DET1: variants seen among roughly 807,000 people sequenced by gnomAD.
DET1 encodes the protein DET1 partner of COP1 E3 ubiquitin ligase.
A neutral mutation model predicts 43.7 loss-of-function variants in DET1; 22 were observed. The ratio of observed to expected loss-of-function variants is 0.50; its 90% CI spans 0.36 to 0.72. The LOEUF is 0.72. Among genes scored for constraint, DET1 ranks in the 30% least tolerant of loss-of-function variants. The pLI, the probability that DET1 is intolerant of heterozygous loss-of-function variation, is 0.00. For missense variants in DET1, 713 were observed against 713.3 expected (o/e 1.00, Z 0.00); for synonymous variants, 315 against 266.2 (o/e 1.18, Z -1.79).
chr15:88,534,039 T>G (rs145346292), intron 1 of DET1, among the ~76,000 whole-genome samples: 3 of 152,198 alleles, frequency 2.0e-5, no homozygotes, highest in Middle Eastern at 3.4e-3. Flanking sequence ...CGAGATCAAT[T>G]TCACAATGTG....
intron 1 of DET1, among the ~76,000 whole-genome samples, chr15:88,533,594 C>G (rs151199280): frequency 6.6e-5 from 10 of 152,088 alleles, no homozygotes; most frequent in African/African-American, 2.4e-4. Flanking sequence ...AGGAATATTA[C>G]TCGGCCTTCA....
chr15:88,524,639 G>A (rs1186267149), intron 3 of DET1, among the ~76,000 whole-genome samples: 1 of 152,206 alleles, frequency 6.6e-6, no homozygotes, highest in Non-Finnish European at 1.5e-5. Flanking sequence ...CTGTTGATCT[G>A]TGACCTTACC....
chr15:88,531,535 C>T lies in DET1; in HGVS notation c.171G>A (p.Lys57=), dbSNP rs186236069. The stretch of plus-strand genomic sequence containing the variant: ...AGAATTTACGCAAGAAACAAGGAGG[C>T]TTTTCAACGTTGACAACTGTGAAGT... ...FPNFTVVNVE[K]PPCFLRKFSP... is the part of the protein sequence containing the mutation. Residue 57 remains lysine (K), a synonymous_variant, in exon 2 of 5, where the codon AAG becomes AAA. Transcript: ENST00000268148. The surrounding 1 kb of genome is among the most constrained non-coding windows in gnomAD (Gnocchi z 6.2). The T allele has an allele frequency of 3.7e-6, 6 of 1,614,016 alleles. No individual in the cohort carries two copies. The highest frequency in any genetic ancestry group is 5.1e-6 in the Non-Finnish European group (6 of 1,179,894).
At chr15:88,524,337 AG>A (rs911106457) in intron 3 of DET1, among the ~76,000 whole-genome samples, 2 of 147,860 alleles carry the variant, frequency 1.4e-5, no homozygotes, top group Non-Finnish European at 3.0e-5. Flanking sequence ...CCAGTCCAAG[AG>A]GTGGGGGGCA....
downstream of DET1, among the ~76,000 whole-genome samples, chr15:88,509,580 G>A (rs1598309522): frequency 6.6e-6 from 1 of 152,198 alleles, no homozygotes; most frequent in Non-Finnish European, 1.5e-5. Flanking sequence ...GAAGTTAAGG[G>A]AGTGATTATC....
chr15:88,534,063 C>G (rs2056886600), intron 1 of DET1, among the ~76,000 whole-genome samples: 2 of 151,998 alleles, frequency 1.3e-5, no homozygotes, highest in African/African-American at 4.8e-5. Flanking sequence ...ATACTTAATA[C>G]TACTGAACTG....
intron 2 of DET1, among the ~76,000 whole-genome samples, chr15:88,528,727 C>G (rs1023913997): frequency 1.3e-5 from 2 of 152,222 alleles, no homozygotes; most frequent in Admixed American, 1.3e-4. Flanking sequence ...TCTCAGACCA[C>G]TAGGATTAGT....
intron 1 of DET1, among the ~76,000 whole-genome samples, chr15:88,539,977 A>G (rs930748834): frequency 5.3e-5 from 8 of 151,704 alleles, no homozygotes; most frequent in African/African-American, 1.5e-4. Flanking sequence ...GTCATGCTTT[A>G]CTTCGTTTAG....
At chr15:88,539,624 T>C (rs1429859469) in intron 1 of DET1, among the ~76,000 whole-genome samples, 1 of 152,170 alleles carries the variant, frequency 6.6e-6, no homozygotes, top group Admixed American at 6.5e-5. Context: ...GGTAAAAACT[T>C]CTTCAAGGTC....
intron 1 of DET1, among the ~76,000 whole-genome samples, chr15:88,535,453 T>A (rs1407445339): frequency 2.1e-5 from 3 of 140,052 alleles, no homozygotes; most frequent in East Asian, 2.2e-4. Flanking sequence ...AAAAAAAAAA[T>A]TAAGAAATAA....
downstream of DET1, among the ~76,000 whole-genome samples, chr15:88,512,145 C>T (rs536319393): frequency 8.5e-5 from 13 of 152,296 alleles, no homozygotes; most frequent in South Asian, 2.1e-4. Context: ...AATTACAGTA[C>T]GTGCTACACA....
At chr15:88,506,208 T>C (rs1164077069) in intron 7 of DET1, among the ~76,000 whole-genome samples, 1 of 152,152 alleles carries the variant, frequency 6.6e-6, no homozygotes, top group African/African-American at 2.4e-5. Context: ...AAAGTAGAAA[T>C]TACCCCCGTT....
chr15:88,531,208 A>C lies in DET1; in HGVS notation c.498T>G (p.Pro166=). The change falls in exon 2 of 5, where the codon CCT becomes CCG. Residue 166 remains proline, a synonymous_variant. Transcript: ENST00000268148. This position sits in a 1 kb window ranked among gnomAD's most constrained non-coding sequence, Gnocchi z 6.2. The stretch of plus-strand genomic sequence containing the variant: ...GATATACCTCAAAAAATGGAGGGTG[A>C]GGCTCATCTGGGAGGTAGGCAGCTG... The part of the protein sequence containing the change: ...VGSAAYLPDE[P]HPPFFEVYRN... 6.2e-7 allele frequency: 1 copy of C among 1,613,882 alleles called. No homozygotes were observed. Among genetic ancestry groups the C allele is most frequent in the Non-Finnish European group, 8.5e-7 (1 of 1,179,828 alleles).
chr15:88,544,383 T>C (rs1159109125), intron 1 of DET1, among the ~76,000 whole-genome samples: 1 of 152,214 alleles, frequency 6.6e-6, no homozygotes, highest in Non-Finnish European at 1.5e-5. Context: ...AAATCATGTA[T>C]GGGAGGGCGC....
intron 2 of DET1, among the ~76,000 whole-genome samples, chr15:88,528,221 G>A (rs1598333928): frequency 1.3e-5 from 2 of 152,144 alleles, no homozygotes; most frequent in Non-Finnish European, 2.9e-5. Flanking sequence ...TTTCTTTCCT[G>A]CTGAAAAAGT....
chr15:88,506,123 C>G (rs1598307489), intron 7 of DET1, among the ~76,000 whole-genome samples: 1 of 152,322 alleles, frequency 6.6e-6, no homozygotes, highest in Middle Eastern at 3.4e-3. Flanking sequence ...GGGGAGAAGG[C>G]AGGGTGCATT....
intron 1 of DET1, among the ~76,000 whole-genome samples, chr15:88,534,737 C>A (rs925752912): frequency 2.0e-5 from 3 of 152,172 alleles, no homozygotes; most frequent in African/African-American, 4.8e-5. Flanking sequence ...CAAAGACTTT[C>A]TGAAAATTCA....
intron 1 of DET1, among the ~76,000 whole-genome samples, chr15:88,544,125 G>A (rs1256138566): frequency 1.3e-5 from 2 of 152,182 alleles, no homozygotes; most frequent in South Asian, 2.1e-4. Context: ...GCTGCCGCAG[G>A]GTGATAATAC....
chr15:88,543,245 C>T (rs372776033), intron 1 of DET1, among the ~76,000 whole-genome samples: 9 of 152,196 alleles, frequency 5.9e-5, no homozygotes, highest in East Asian at 3.9e-4. Context: ...AGGCTGGATC[C>T]TGTGGCCTCT....
Sources: gnomAD v4.1 joint callset for allele counts (sites outside exome capture counted in the v4.1 genomes callset) on GRCh38, gnomAD v4.1.1 for gene constraint, Gnocchi (gnomAD v3.1) non-coding constraint, MANE v1.5 for transcripts, NCBI Gene and HGNC (gene_info 2026-07-23, HGNC 2026-07-21) for gene names.